SPIDR: variants seen among roughly 807,000 people sequenced by gnomAD.
SPIDR encodes the protein scaffold protein involved in DNA repair.
In SPIDR, 93 loss-of-function variants were observed where a neutral mutation model predicts 104.6. The observed-to-expected ratio is 0.89, with a 90% CI of 0.75 to 1.06. The LOEUF is 1.06. Ranked by LOEUF, SPIDR falls within the 50% of genes least tolerant of loss-of-function variation. The pLI is 0.00. For synonymous variants in SPIDR, 431 were observed against 416.9 expected, an observed-to-expected ratio of 1.03 and a Z score of -0.41; for missense variants, 1,154 against 1,111.2, an observed-to-expected ratio of 1.04 and a Z score of -0.55.
At chr8:47,420,993 G>C (rs1554679907) in intron 7 of SPIDR, among the ~76,000 whole-genome samples, 1 of 152,200 alleles carries the variant, frequency 6.6e-6, no homozygotes, top group East Asian at 1.9e-4. Flanking sequence ...TTAGTCTGAT[G>C]GGCTTCACTT....
intron 5 of SPIDR, among the ~76,000 whole-genome samples, chr8:47,348,553 C>T (rs2052697362): frequency 6.6e-6 from 1 of 152,140 alleles, no homozygotes. Flanking sequence ...AGAGTGTTTT[C>T]CATCTTGGTT....
chr8:47,368,165 G>A (rs538684129), intron 5 of SPIDR, among the ~76,000 whole-genome samples: 12 of 151,506 alleles, frequency 7.9e-5, no homozygotes, highest in South Asian at 4.2e-4. Flanking sequence ...TTTAATAAGG[G>A]CACTAATCCC....
intron 8 of SPIDR, among the ~76,000 whole-genome samples, chr8:47,590,126 A>G (rs2060816748): frequency 6.6e-6 from 1 of 151,548 alleles, no homozygotes; most frequent in African/African-American, 2.4e-5. Context: ...GTGAACCGAG[A>G]TCGTGCCACT....
chr8:47,464,600 T>A (rs1418799184), intron 8 of SPIDR, among the ~76,000 whole-genome samples: 1 of 152,088 alleles, frequency 6.6e-6, no homozygotes, highest in Non-Finnish European at 1.5e-5. Flanking sequence ...AGCAGCAACC[T>A]GCTCTCACCA....
chr8:47,288,394 T>C (rs1444007432), intron 3 of SPIDR, among the ~76,000 whole-genome samples: 1 of 152,078 alleles, frequency 6.6e-6, no homozygotes. Flanking sequence ...CAAGCAATTC[T>C]CTGCCTCAGT....
At chr8:47,467,045 C>A (rs1178275257) in intron 8 of SPIDR, among the ~76,000 whole-genome samples, 10 of 151,502 alleles carry the variant, frequency 6.6e-5, no homozygotes, top group Admixed American at 2.0e-4. Flanking sequence ...ACCACTGACC[C>A]CACAGAAATA....
chr8:47,499,940 G>C (rs1344889739), intron 8 of SPIDR, among the ~76,000 whole-genome samples: 1 of 152,066 alleles, frequency 6.6e-6, no homozygotes, highest in Non-Finnish European at 1.5e-5. Context: ...ATGGTTTCCA[G>C]CTTCATCCAT....
intron 10 of SPIDR, among the ~76,000 whole-genome samples, chr8:47,672,764 G>T (rs1392886602): frequency 1.3e-5 from 2 of 152,158 alleles, no homozygotes; most frequent in Non-Finnish European, 2.9e-5. Context: ...CCACATGATG[G>T]TTTGTTTCTT....
intron 7 of SPIDR, among the ~76,000 whole-genome samples, chr8:47,429,715 A>T (rs181402055): frequency 6.7e-6 from 1 of 149,698 alleles, no homozygotes; most frequent in Admixed American, 6.6e-5. Flanking sequence ...TCTGCGCTGC[A>T]GTTTTTTTAC....
In SPIDR at chr8:47,735,759, G is replaced by A; in HGVS notation, c.*309G>A. 1.9e-6 allele frequency: 1 copy of A among 539,214 alleles called. No homozygotes were observed. The highest frequency in any genetic ancestry group is 3.7e-5 in the Admixed American group (1 of 26,680). The allele number at this position is 539,214 out of a possible 1,614,324, so 33.4% of individuals were successfully genotyped here. A position where few individuals can be genotyped will look rare whatever the true frequency, so the allele number is the denominator to read the frequency against. The stretch of plus-strand genomic sequence containing the variant: ...AATATATGAGAAAAAAATTTTTTTT[G>A]TTCATTTGTAATTTTAACAAGTTGA... On this transcript the variant is annotated 3_prime_UTR_variant, in exon 20 of 20. Coordinates refer to ENST00000297423, the MANE Select transcript of SPIDR (RefSeq NM_001080394.4).
At chr8:47,532,065 A>AT (rs34728107) in intron 8 of SPIDR, among the ~76,000 whole-genome samples, 2,153 of 119,572 alleles carry the variant, frequency 0.018, 52 homozygotes, top group African/African-American at 0.052. Flanking sequence ...GTCAGAGTGG[A>AT]TTTTTTTTTT....
intron 16 of SPIDR, among the ~76,000 whole-genome samples, chr8:47,715,826 G>A (rs1340365888): frequency 6.6e-6 from 1 of 152,124 alleles, no homozygotes; most frequent in Non-Finnish European, 1.5e-5. Flanking sequence ...TTGTTTGAAC[G>A]CCTGTTTTGA....
Position 47,463,080 on chromosome 8 carries a change from C to T in SPIDR, c.1097+22538C>T, listed in dbSNP as rs540833631. The stretch of plus-strand genomic sequence containing the variant: ...TCGGTAATAAAAACCTTCCAATGGC[C>T]GGGCGCGGTGACTCACGCCTGTAAT... On this transcript the variant is annotated intron_variant, in intron 8 of 19. Coordinates refer to ENST00000297423, the MANE Select transcript of SPIDR (RefSeq NM_001080394.4). Among the ~76,000 whole-genome samples, 19 of 152,092 alleles carry T rather than the reference C, an allele frequency of 1.2e-4. 1 individual carries two copies. In the East Asian group the frequency reaches 2.9e-3, roughly 23 times the overall value.
intron 7 of SPIDR, chr8:47,419,378 T>G (rs1380844113): frequency 2.0e-5 from 3 of 152,256 alleles, no homozygotes; most frequent in Non-Finnish European, 4.4e-5. Flanking sequence ...TTTATCCATT[T>G]CTTCTAGATT....
intron 7 of SPIDR, among the ~76,000 whole-genome samples, chr8:47,415,127 TCTC>T (rs1467701850): frequency 6.6e-6 from 1 of 152,128 alleles, no homozygotes; most frequent in Non-Finnish European, 1.5e-5. Context: ...ATGGTCTTGA[TCTC>T]CTGACCTCGT....
chr8:47,344,100 G>A (rs1485923497), intron 5 of SPIDR, among the ~76,000 whole-genome samples: 14 of 151,438 alleles, frequency 9.2e-5, no homozygotes, highest in Non-Finnish European at 1.9e-4. Flanking sequence ...GTATTTCTCC[G>A]AATGCTATCC....
At chr8:47,734,591 A>G (rs2085861908) in intron 19 of SPIDR, among the ~76,000 whole-genome samples, 1 of 151,106 alleles carries the variant, frequency 6.6e-6, no homozygotes, top group Non-Finnish European at 1.5e-5. Context: ...ATTGCCTTCT[A>G]GGGCTTTAAT....
In SPIDR at chr8:47,322,906, A is replaced by G. The variant is rs370718385; in HGVS notation, c.525+28876A>G. On this transcript the variant is annotated intron_variant, in intron 5 of 19. Coordinates refer to ENST00000297423, the MANE Select transcript of SPIDR (RefSeq NM_001080394.4). ...TGAAAAGTGAGAACACGGGGGCACA[A>G]GAAGGGGAACATCATACGCCGGGGC... Among the ~76,000 whole-genome samples the G allele has an allele frequency of 1.7e-3, 261 of 152,048 alleles. 1 individual carries two copies. Among genetic ancestry groups the G allele is most frequent in the Non-Finnish European group, 3.1e-3 (212 of 67,968 alleles).
intron 8 of SPIDR, among the ~76,000 whole-genome samples, chr8:47,495,098 G>A (rs191858908): frequency 1.2e-4 from 18 of 152,194 alleles, no homozygotes; most frequent in African/African-American, 4.3e-4. Context: ...TATCTTGTAT[G>A]TGTATTGCAT....
Sources: gnomAD v4.1 joint callset for allele counts (sites outside exome capture counted in the v4.1 genomes callset) on GRCh38, gnomAD v4.1.1 for gene constraint, MANE v1.5 for transcripts, NCBI Gene and HGNC (gene_info 2026-07-23, HGNC 2026-07-21) for gene names.